Variants in TPRG1 observed in about 807,000 individuals in gnomAD.
The protein encoded by TPRG1 is tumor protein p63 regulated 1.
A neutral mutation model predicts 29.3 loss-of-function variants in TPRG1; 29 were observed. The observed-to-expected ratio is 0.99, with a 90% CI of 0.74 to 1.35. TPRG1 has a LOEUF of 1.35. Among genes scored for constraint, TPRG1 ranks in the 40% most tolerant of loss-of-function variants. The pLI is 0.00. For missense variants in TPRG1, 327 were observed against 335.0 expected (o/e 0.98, Z 0.19); for synonymous variants, 130 against 116.8 (o/e 1.11, Z -0.73).
intron 4 of TPRG1, among the ~76,000 whole-genome samples, chr3:189,065,434 C>G (rs1408560031): frequency 6.6e-6 from 1 of 151,896 alleles, no homozygotes; most frequent in Non-Finnish European, 1.5e-5. Context: ...AAAATATTAA[C>G]AATCCCTATC....
At chr3:189,040,213 G>A (rs1033088011) in intron 4 of TPRG1, among the ~76,000 whole-genome samples, 2 of 152,122 alleles carry the variant, frequency 1.3e-5, no homozygotes, top group Non-Finnish European at 2.9e-5. Flanking sequence ...TGAAAGAAAC[G>A]AATTTTAATG....
chr3:189,102,722 C>A (rs1296106066), intron 1 of TPRG1, among the ~76,000 whole-genome samples: 3 of 152,124 alleles, frequency 2.0e-5, no homozygotes, highest in Non-Finnish European at 4.4e-5. Flanking sequence ...CCATGGTTCC[C>A]CAAAGCTTTT....
chr3:189,025,928 G>A (rs1332387844), intron 4 of TPRG1, among the ~76,000 whole-genome samples: 1 of 152,200 alleles, frequency 6.6e-6, no homozygotes, highest in Non-Finnish European at 1.5e-5. Flanking sequence ...CAAAAGAGAT[G>A]TGTTGTTATT....
exon 3 of TPRG1, chr3:189,132,482 T>C (rs1723221283): frequency 6.6e-6 from 1 of 152,198 alleles, no homozygotes; most frequent in Non-Finnish European, 1.5e-5. Flanking sequence ...AAATTACAAC[T>C]GTAAAGAGTC....
rs567611131 is a variant in TPRG1 at position 189,323,319 on chromosome 3, T to A, written c.*2499T>A. The A allele has an allele frequency of 6.6e-6, 1 of 152,252 alleles. No homozygotes were observed. The highest frequency in any genetic ancestry group is 2.1e-4 in the South Asian group (1 of 4,830). 9.4% of individuals were successfully genotyped at this position (152,252 alleles called of 1,614,324 possible). Reference sequence around the variant, plus strand: ...ATTTTTTTCTTAGGAAAGAGTTGGATCAATCATGGGAGACCCTGAAAAATT... The same window carrying A: ...ATTTTTTTCTTAGGAAAGAGTTGGAACAATCATGGGAGACCCTGAAAAATT... On this transcript the variant is annotated 3_prime_UTR_variant, in exon 6 of 6. Coordinates refer to ENST00000345063, the MANE Select transcript of TPRG1 (RefSeq NM_198485.4).
chr3:189,136,685 G>A (rs114484050), intron 3 of TPRG1, among the ~76,000 whole-genome samples: 12 of 152,264 alleles, frequency 7.9e-5, no homozygotes, highest in African/African-American at 2.6e-4. Context: ...TCGTTACAGC[G>A]CTGGGCCTCA....
intron 1 of TPRG1, among the ~76,000 whole-genome samples, chr3:189,114,689 G>C (rs541272602): frequency 6.6e-6 from 1 of 152,300 alleles, no homozygotes; most frequent in East Asian, 1.9e-4. Context: ...GCTAATACTA[G>C]ATGCAGGCTT....
intron 4 of TPRG1, among the ~76,000 whole-genome samples, chr3:189,082,972 TGGGGTCA>T (rs1190955313): frequency 6.6e-6 from 1 of 151,906 alleles, no homozygotes; most frequent in Non-Finnish European, 1.5e-5. Flanking sequence ...GGTATTTGGG[TGGGGTCA>T]GAGCCTAGGA....
chr3:189,129,917 G>A (rs1722916244), intron 2 of TPRG1, among the ~76,000 whole-genome samples: 1 of 152,096 alleles, frequency 6.6e-6, no homozygotes, highest in African/African-American at 2.4e-5. Context: ...CATTGTGAAG[G>A]AAAGAGAAAT....
chr3:189,169,885 G>A (rs900731905), upstream of TPRG1, among the ~76,000 whole-genome samples: 3 of 152,138 alleles, frequency 2.0e-5, no homozygotes, highest in Non-Finnish European at 4.4e-5. Context: ...GAGGTTTTCC[G>A]TGTGGCATTA....
rs116035618 is a variant in TPRG1, at chr3:189,210,667, C to A, written c.210+3073C>A. 5.7e-3 allele frequency among the ~76,000 whole-genome samples: 875 copies of A among 152,204 alleles called. 10 individuals carry two copies. Among genetic ancestry groups the A allele is most frequent in the African/African-American group, 0.019 (769 of 41,534 alleles). On this transcript the variant is annotated intron_variant, in intron 2 of 5. Transcript: ENST00000345063. ...CTCTGTCCTGAGACCACATTTTGAG[C>A]GTGAGTGAGCTAATCAACACACTTG...
At chr3:189,018,465 C>G (rs1289313388) in intron 3 of TPRG1, among the ~76,000 whole-genome samples, 1 of 131,736 alleles carries the variant, frequency 7.6e-6, no homozygotes, top group African/African-American at 2.7e-5. Context: ...CCAGTTTTCC[C>G]AGCACCATTT....
At chr3:189,185,237 A>G (rs1473390465) in intron 1 of TPRG1, among the ~76,000 whole-genome samples, 6 of 150,958 alleles carry the variant, frequency 4.0e-5, no homozygotes, top group African/African-American at 1.2e-4. Context: ...TTTTTTTGAG[A>G]CCTGATCTCA....
In TPRG1 at chr3:189,201,796, G is replaced by A. The variant is rs112692607; in HGVS notation, c.-9-5580G>A. On this transcript the variant is annotated intron_variant, in intron 1 of 5. Coordinates refer to ENST00000345063, the MANE Select transcript of TPRG1 (RefSeq NM_198485.4). Reference sequence around the variant, plus strand: ...TCCCAAGTAGCTGAGATTTACAGGGGCCTGCCACCACGCCTGGCTAATTTT... The same window carrying A: ...TCCCAAGTAGCTGAGATTTACAGGGACCTGCCACCACGCCTGGCTAATTTT... Among the ~76,000 whole-genome samples the A allele has an allele frequency of 1.4e-4, 21 of 152,080 alleles. 2 individuals carry two copies. The highest frequency in any genetic ancestry group is 5.1e-4 in the African/African-American group (21 of 41,480).
At chr3:189,217,537 C>T (rs909340181) in intron 3 of TPRG1, among the ~76,000 whole-genome samples, 1 of 152,154 alleles carries the variant, frequency 6.6e-6, no homozygotes, top group Non-Finnish European at 1.5e-5. Context: ...CTTCTCTCTG[C>T]CAAAAGCCTT....
chr3:189,057,840 ATGTGTG>A (rs199604569), intron 4 of TPRG1, among the ~76,000 whole-genome samples: 2 of 111,370 alleles, frequency 1.8e-5, no homozygotes, highest in African/African-American at 1.2e-4. Flanking sequence ...ACACATATGT[ATGTGTG>A]TATATATATA....
chr3:189,209,709 T>A (rs1351581037), intron 2 of TPRG1, among the ~76,000 whole-genome samples: 1 of 152,240 alleles, frequency 6.6e-6, no homozygotes, highest in East Asian at 1.9e-4. Context: ...AATACTTTCC[T>A]GACCACGCAC....
intron 2 of TPRG1, among the ~76,000 whole-genome samples, chr3:189,208,942 G>A (rs1734835973): frequency 6.6e-6 from 1 of 152,198 alleles, no homozygotes; most frequent in African/African-American, 2.4e-5. Context: ...TGGGCCTGAA[G>A]TTAGAATAGG....
At chr3:189,129,842 A>C (rs1032659228) in intron 2 of TPRG1, among the ~76,000 whole-genome samples, 3 of 152,186 alleles carry the variant, frequency 2.0e-5, no homozygotes, top group Admixed American at 1.3e-4. Flanking sequence ...GGAGTATGAA[A>C]ATAATTTTAC....
Sources: allele counts gnomAD v4.1 joint callset (sites outside exome capture counted in the v4.1 genomes callset), GRCh38; gene constraint gnomAD v4.1.1; transcripts MANE v1.5; gene names NCBI Gene and HGNC (gene_info 2026-07-23, HGNC 2026-07-21).